Variants in ZNF131 observed in about 807,000 individuals in gnomAD.
ZNF131 encodes zinc finger protein 131.
A neutral mutation model predicts 60.0 loss-of-function variants in ZNF131; 7 were observed. That is an observed-to-expected ratio of 0.12 (90% confidence interval 0.07 to 0.22). The LOEUF (loss-of-function observed/expected upper bound fraction) is 0.22, where lower values mean the gene tolerates loss of function less well. ZNF131 is among the 10% of genes least tolerant of loss of function. The probability of loss-of-function intolerance (pLI) is 1.00; values close to 1 mark genes in which losing one functional copy is unlikely to be tolerated. For synonymous variants in ZNF131, 257 were observed against 253.2 expected (o/e 1.01, Z -0.14); for missense variants, 493 against 740.9 (o/e 0.67, Z 3.88).
chr5:43,134,074 A>G (rs1227937972), intron 3 of ZNF131, among the ~76,000 whole-genome samples: 1 of 152,216 alleles, frequency 6.6e-6, no homozygotes, highest in African/African-American at 2.4e-5. Context: ...AGGCCACAAA[A>G]AAGAAAACTA....
chr5:43,161,982 A>G (rs1749743287), intron 5 of ZNF131, 51 bp downstream of exon 5: 2 of 1,485,944 alleles, frequency 1.3e-6, no homozygotes, highest in Non-Finnish European at 1.8e-6. Context: ...TGCACTTCAA[A>G]TTTAAGTATC....
intron 5 of ZNF131, among the ~76,000 whole-genome samples, chr5:43,163,488 C>A (rs931148088): frequency 8.5e-5 from 13 of 152,202 alleles, no homozygotes; most frequent in African/African-American, 3.1e-4. Flanking sequence ...CTCAGGGCCT[C>A]GCCCCACATA....
At chr5:43,134,693 CTTTTTTTTTTTTTTTTT>C (rs149464238) in intron 3 of ZNF131, among the ~76,000 whole-genome samples, 1 of 88,408 alleles carries the variant, frequency 1.1e-5, no homozygotes, top group Admixed American at 1.7e-4. Flanking sequence ...TTCTTTTTTT[CTTTTTTTTTTTTTTTTT>C]TTTTTGGGAG....
At chr5:43,134,685 CTTTTTTTCTTTTTT>C (rs1745806245) in intron 3 of ZNF131, among the ~76,000 whole-genome samples, 1 of 98,322 alleles carries the variant, frequency 1.0e-5, no homozygotes, top group African/African-American at 3.8e-5. Flanking sequence ...AGTTGCTTTT[CTTTTTTTCTTTTTT>C]TTTTTTTTTT....
intron 5 of ZNF131, among the ~76,000 whole-genome samples, chr5:43,164,744 C>T (rs558420407): frequency 1.3e-5 from 2 of 152,212 alleles, no homozygotes; most frequent in South Asian, 4.2e-4. Flanking sequence ...GGTTAAAGTA[C>T]ATTATGTTGT....
intron 3 of ZNF131, among the ~76,000 whole-genome samples, chr5:43,137,557 C>A (rs1053628574): frequency 2.7e-5 from 4 of 149,428 alleles, no homozygotes; most frequent in Non-Finnish European, 5.9e-5. Context: ...AGTCACTTCA[C>A]ACCTTTCAGG....
chr5:43,165,351 T>TTTA (rs1204768171), intron 5 of ZNF131, among the ~76,000 whole-genome samples: 3 of 152,198 alleles, frequency 2.0e-5, no homozygotes, highest in Admixed American at 2.0e-4. Context: ...CATGGTTTTA[T>TTTA]CCTCTTTGTG....
At chr5:43,150,649 G>A (rs1253157987) in intron 4 of ZNF131, among the ~76,000 whole-genome samples, 1 of 152,152 alleles carries the variant, frequency 6.6e-6, no homozygotes, top group Non-Finnish European at 1.5e-5. Context: ...AAAATTAGCT[G>A]GGCACGGTGA....
At chr5:43,174,183 G>A (rs867897116) in intron 6 of ZNF131, among the ~76,000 whole-genome samples, 1 of 152,186 alleles carries the variant, frequency 6.6e-6, no homozygotes, top group South Asian at 2.1e-4. Context: ...AGCCGAGATC[G>A]CACCATTGCA....
At chr5:43,171,069 C>T (rs1318792922) in intron 5 of ZNF131, among the ~76,000 whole-genome samples, 4 of 152,004 alleles carry the variant, frequency 2.6e-5, no homozygotes, top group Non-Finnish European at 1.5e-5. Flanking sequence ...CTCAGCCTCC[C>T]AAGTAGCTGG....
intron 5 of ZNF131, among the ~76,000 whole-genome samples, chr5:43,162,390 G>A (rs954281922): frequency 8.0e-5 from 12 of 149,246 alleles, no homozygotes; most frequent in East Asian, 2.0e-4. Context: ...TCAGGTGTTC[G>A]AGACCAGCCT....
At chr5:43,130,407 A>G (rs1745188674) in intron 3 of ZNF131, among the ~76,000 whole-genome samples, 1 of 152,192 alleles carries the variant, frequency 6.6e-6, no homozygotes, top group Non-Finnish European at 1.5e-5. Flanking sequence ...TGAGTAATAT[A>G]AAAGTAAGAG....
At chr5:43,169,491 C>G (rs189639743) in intron 5 of ZNF131, among the ~76,000 whole-genome samples, 3 of 152,200 alleles carry the variant, frequency 2.0e-5, no homozygotes, top group Admixed American at 2.0e-4. Flanking sequence ...CGCTCAGGTA[C>G]GCATGCTTTT....
intron 3 of ZNF131, among the ~76,000 whole-genome samples, chr5:43,130,001 C>A (rs1375040602): frequency 6.6e-6 from 1 of 151,004 alleles, no homozygotes; most frequent in South Asian, 2.1e-4. Context: ...CGCGGTGGCT[C>A]ATGCCTGTAA....
At chr5:43,133,504 C>T (rs1202360617) in intron 3 of ZNF131, among the ~76,000 whole-genome samples, 1 of 152,058 alleles carries the variant, frequency 6.6e-6, no homozygotes, top group African/African-American at 2.4e-5. Context: ...AGTATTTATT[C>T]ATTTATTCCT....
rs572236911 is a variant in ZNF131 at position 43,166,686 on chromosome 5, C to T, written c.1054+4755C>T. ...GACCCTTTTTTTTGACACGGGGTCT[C>T]GCTCTGTCGCCCAGACTGGAGTGCA... is the stretch of plus-strand genomic sequence containing the variant. On this transcript the variant is annotated intron_variant, in intron 5 of 6. Transcript: ENST00000682664. Among the ~76,000 whole-genome samples, 7 of 140,836 alleles carry T rather than the reference C, an allele frequency of 5.0e-5. No homozygotes were observed. The South Asian group carries it at 9.3e-4, about 19-fold the overall frequency. 92.4% of individuals were successfully genotyped at this position (140,836 alleles called of 152,430 possible).
intron 4 of ZNF131, among the ~76,000 whole-genome samples, chr5:43,154,194 C>T (rs1008605854): frequency 6.6e-6 from 1 of 152,028 alleles, no homozygotes; most frequent in African/African-American, 2.4e-5. Flanking sequence ...GGCAGATTGT[C>T]TGAGGTCAGG....
At chr5:43,141,734 C>A (rs1190801391) in intron 4 of ZNF131, among the ~76,000 whole-genome samples, 1 of 150,406 alleles carries the variant, frequency 6.6e-6, no homozygotes, top group African/African-American at 2.5e-5. Context: ...TGCACCACTG[C>A]ACTCCAGCCT....
intron 4 of ZNF131, among the ~76,000 whole-genome samples, chr5:43,157,718 C>T (rs1169940329): frequency 3.9e-5 from 6 of 152,180 alleles, no homozygotes; most frequent in African/African-American, 7.2e-5. Flanking sequence ...GTTCTGAAGG[C>T]TAAATGTCTG....
Sources: allele counts gnomAD v4.1 joint callset (sites outside exome capture counted in the v4.1 genomes callset), GRCh38; gene constraint gnomAD v4.1.1; transcripts MANE v1.5; gene names NCBI Gene and HGNC (gene_info 2026-07-23, HGNC 2026-07-21).